GSPT1: variants seen among roughly 807,000 people sequenced by gnomAD.
GSPT1 encodes G1 to S phase transition 1.
GSPT1 carries 20 observed loss-of-function variants against 72.5 expected under a neutral mutation model. The ratio of observed to expected loss-of-function variants is 0.28; its 90% CI spans 0.19 to 0.40. The LOEUF (loss-of-function observed/expected upper bound fraction) is 0.40, where lower values mean the gene tolerates loss of function less well. Ranked by LOEUF, GSPT1 falls within the 10% of genes least tolerant of loss-of-function variation. The pLI is 1.00. For missense variants in GSPT1, 580 were observed against 811.9 expected (o/e 0.71, Z 3.47); for synonymous variants, 334 against 293.5 (o/e 1.14, Z -1.41).
chr16:11,891,268 T>A, intron 5 of GSPT1, 129 bp from the exon 6 acceptor site: 1 of 292,668 alleles, frequency 3.4e-6, no homozygotes, highest in Non-Finnish European at 6.2e-6. Context: ...TGTGTCTGTC[T>A]AAAAAAATAT....
At chr16:11,894,908 A>AT (rs778297274) in intron 5 of GSPT1, 46 bp downstream of exon 5, 8 of 1,239,066 alleles carry the variant, frequency 6.5e-6, no homozygotes, top group Non-Finnish European at 9.3e-6. Context: ...CCTAAAATTC[A>AT]TTACATCAAT....
intron 1 of GSPT1, among the ~76,000 whole-genome samples, chr16:11,913,718 T>C (rs896850807): frequency 4.6e-5 from 7 of 152,200 alleles, no homozygotes; most frequent in Non-Finnish European, 1.0e-4. Flanking sequence ...GAATGGGCAC[T>C]TTTAGGAGCT....
At chr16:11,902,083 C>A (rs1412341311) in intron 1 of GSPT1, among the ~76,000 whole-genome samples, 1 of 121,066 alleles carries the variant, frequency 8.3e-6, no homozygotes, top group Non-Finnish European at 1.7e-5. Flanking sequence ...GAGCGAAACT[C>A]CATCTTAAAA....
chr16:11,878,778 A>C (rs998739864), intron 11 of GSPT1, among the ~76,000 whole-genome samples: 4 of 152,050 alleles, frequency 2.6e-5, no homozygotes, highest in Non-Finnish European at 5.9e-5. Context: ...TACTACATCA[A>C]TAATGCTATG....
chr16:11,894,405 A>C (rs2054308947), intron 5 of GSPT1, among the ~76,000 whole-genome samples: 1 of 152,054 alleles, frequency 6.6e-6, no homozygotes, highest in African/African-American at 2.4e-5. Context: ...TTAGCATTTT[A>C]GCTAGTCTAC....
chr16:11,906,120 C>T (rs754132253), intron 1 of GSPT1, among the ~76,000 whole-genome samples: 32 of 152,056 alleles, frequency 2.1e-4, no homozygotes, highest in Middle Eastern at 6.8e-3. Context: ...CTCACTCTGT[C>T]GCCCAGGCTG....
intron 9 of GSPT1, 107 bp from the exon 10 acceptor site, chr16:11,885,381 A>G: frequency 1.5e-6 from 1 of 645,908 alleles, no homozygotes; most frequent in Non-Finnish European, 2.8e-6. Context: ...CTACTCATGT[A>G]TTCTTCCCAT....
intron 11 of GSPT1, among the ~76,000 whole-genome samples, chr16:11,879,517 G>A (rs643980): frequency 0.063 from 9,568 of 151,936 alleles, 374 homozygotes; most frequent in South Asian, 0.16. Flanking sequence ...GGTGGATCAC[G>A]AGGTCAGAAG....
chr16:11,878,127 T>A (rs2054070184), intron 11 of GSPT1, among the ~76,000 whole-genome samples: 1 of 152,206 alleles, frequency 6.6e-6, no homozygotes, highest in African/African-American at 2.4e-5. Context: ...GTTATTTTTT[T>A]ATTTTGAGAC....
At chr16:11,887,795 G>A in intron 6 of GSPT1, 45 bp from the exon 7 acceptor site, 3 of 1,251,586 alleles carry the variant, frequency 2.4e-6, no homozygotes, top group Non-Finnish European at 3.4e-6. Context: ...AAGAACATCA[G>A]AGTTTTTAGG....
chr16:11,870,056 A>G lies in GSPT1; in HGVS notation c.*3063T>C, dbSNP rs903492210. The G allele has an allele frequency of 8.8e-4, 134 of 152,306 alleles. 1 individual carries two copies. The highest frequency in any genetic ancestry group is 3.1e-3 in the African/African-American group (130 of 41,576). 9.4% of individuals were successfully genotyped at this position (152,306 alleles called of 1,614,324 possible). On this transcript the variant is annotated 3_prime_UTR_variant, in exon 15 of 15. Transcript: ENST00000434724. The stretch of plus-strand genomic sequence containing the variant: ...TACCTCGTTACAGTGAACAACCTGC[A>G]CTGTTAGAGTTTAGGAACTTTTGAC...
At chr16:11,883,724 C>A (rs1292813242) in intron 10 of GSPT1, among the ~76,000 whole-genome samples, 6 of 151,952 alleles carry the variant, frequency 3.9e-5, no homozygotes, top group Middle Eastern at 3.4e-3. Flanking sequence ...CCCATCCTGG[C>A]CAACATGGTG....
At position 11,882,427 on chromosome 16, in the gene GSPT1, A is replaced by C. The variant is rs1176762116; in HGVS notation, c.1428+588T>G. On this transcript the variant is annotated intron_variant, in intron 11 of 14. Transcript: ENST00000434724. ...AAGGCATCAAGAAACCAGATAATAC[A>C]ATTTGTAAGGTGCCAATTATGTCTA... is the stretch of plus-strand genomic sequence containing the variant. 3 of 152,462 alleles carry C rather than the reference A, an allele frequency of 2.0e-5. No homozygotes were observed. The East Asian group carries it at 5.8e-4, about 29-fold the overall frequency. The allele number at this position is 152,462 out of a possible 1,614,324, so 9.4% of individuals were successfully genotyped here.
chr16:11,914,825 C>T (rs771539917), intron 1 of GSPT1, among the ~76,000 whole-genome samples: 37 of 152,154 alleles, frequency 2.4e-4, no homozygotes, highest in Non-Finnish European at 4.9e-4. Flanking sequence ...TGCAATGCAT[C>T]TTGGGATTCC....
intron 11 of GSPT1, 138 bp downstream of exon 11, chr16:11,882,877 T>C: frequency 3.3e-6 from 2 of 598,678 alleles, no homozygotes; most frequent in Non-Finnish European, 6.0e-6. Context: ...GTGGCAGGAT[T>C]GCTTGAAAGT....
chr16:11,898,017 T>C lies in GSPT1; in HGVS notation c.371A>G (p.Gln124Arg). Residue 124 changes from glutamine (Q) to arginine (R), a missense_variant, in exon 2 of 15, where the codon CAA becomes CGA. This residue lies in a region of GSPT1 where 327 missense variants were observed against 298.8 expected (regional missense o/e 1.09). Transcript: ENST00000434724. ...GGRAAPVESS[Q>R]EEQSLCEGSN... is the part of the protein sequence containing the mutation. ...ACCTTCACACAATGACTGTTCCTCT[T>C]GAGAGGATTCCACAGGTGCTGTTTA... The C allele has an allele frequency of 6.5e-7, 1 of 1,547,654 alleles. No individual in the cohort carries two copies. Among genetic ancestry groups the C allele is most frequent in the Non-Finnish European group, 8.8e-7 (1 of 1,141,414 alleles).
chr16:11,897,169 A>G (rs968986785), intron 3 of GSPT1, among the ~76,000 whole-genome samples: 1 of 152,256 alleles, frequency 6.6e-6, no homozygotes, highest in African/African-American at 2.4e-5. Flanking sequence ...ATATGAAAGG[A>G]TTTAGGAAAT....
rs906867690 is a variant in GSPT1 at position 11,914,970 on chromosome 16, G to T, written c.352+399C>A. ...CGGCCATTCGTCCTCCCCAACTCCT[G>T]GGATCTCTAAACGCCCACCCAAATG... is the stretch of plus-strand genomic sequence containing the variant. On this transcript the variant is annotated intron_variant, in intron 1 of 14. Coordinates refer to ENST00000434724, the MANE Select transcript of GSPT1 (RefSeq NM_002094.4). 7 of 1,270,026 alleles carry T rather than the reference G, an allele frequency of 5.5e-6. No homozygotes were observed. The African/African-American group carries it at 1.1e-4, about 19-fold the overall frequency. The allele number at this position is 1,270,026 out of a possible 1,614,324, so 78.7% of individuals were successfully genotyped here.
chr16:11,901,616 C>A (rs1256536746), intron 1 of GSPT1, among the ~76,000 whole-genome samples: 2 of 114,466 alleles, frequency 1.7e-5, no homozygotes, highest in African/African-American at 8.0e-5. Flanking sequence ...TCTCCACACA[C>A]AAAAATATAT....
Sources: allele counts gnomAD v4.1 joint callset (sites outside exome capture counted in the v4.1 genomes callset), GRCh38; gene constraint gnomAD v4.1.1; regional missense constraint gnomAD v4.1.1; transcripts MANE v1.5; gene names NCBI Gene and HGNC (gene_info 2026-07-23, HGNC 2026-07-21).